Variants in PCDHGA7 observed in about 807,000 individuals in gnomAD.
PCDHGA7 encodes protocadherin gamma-A7.
In PCDHGA7, 44 loss-of-function variants were observed where a neutral mutation model predicts 58.3. The observed-to-expected ratio is 0.75, with a 90% CI of 0.59 to 0.97. The LOEUF (loss-of-function observed/expected upper bound fraction) is 0.97. Among genes scored for constraint, PCDHGA7 ranks in the 50% least tolerant of loss-of-function variants. The pLI is 0.00. For synonymous variants in PCDHGA7, 516 were observed against 504.2 expected (o/e 1.02, Z -0.31); for missense variants, 1,266 against 1,188.7 (o/e 1.06, Z -0.96).
At chr5:141,399,062 C>T in intron 1 of PCDHGA7, 1 of 1,613,790 alleles carries the variant, frequency 6.2e-7, no homozygotes, top group Non-Finnish European at 8.5e-7. Context: ...AAGGAATATT[C>T]AATGGTTGTA....
intron 1 of PCDHGA7, chr5:141,417,759 C>T: frequency 7.0e-7 from 1 of 1,437,100 alleles, no homozygotes; most frequent in South Asian, 1.5e-5. Flanking sequence ...AGCTCCGAGA[C>T]CCGGGACTCC....
intron 1 of PCDHGA7, among the ~76,000 whole-genome samples, chr5:141,460,117 T>G (rs1454761302): frequency 6.6e-6 from 1 of 151,982 alleles, no homozygotes; most frequent in Non-Finnish European, 1.5e-5. Context: ...ATGATTTTTA[T>G]ATATGTAATA....
chr5:141,404,171 G>A (rs532466154), intron 1 of PCDHGA7: 1 of 1,612,734 alleles, frequency 6.2e-7, no homozygotes, highest in South Asian at 1.1e-5. Flanking sequence ...ATTGTTGACG[G>A]CCCAAATTCT....
rs2096663485 is a variant in PCDHGA7, at chr5:141,422,674, A to G, written c.2424+37351A>G. 3 of 1,606,698 alleles carry G rather than the reference A, an allele frequency of 1.9e-6. No individual in the cohort carries two copies. The East Asian group carries it at 6.7e-5, about 36-fold the overall frequency. On this transcript the variant is annotated intron_variant, in intron 1 of 3. Transcript: ENST00000518325. ...AGTGACCGCCCTCGACCCGGACAGC[A>G]AACAGAATGCCCTGGTCACTTACTC...
At chr5:141,427,082 C>T (rs1335319344) in intron 1 of PCDHGA7, 1 of 458,118 alleles carries the variant, frequency 2.2e-6, no homozygotes, top group Admixed American at 2.3e-5. Flanking sequence ...CAGCCACTGA[C>T]CAGGATGAGG....
chr5:141,466,090 C>A (rs983505253), intron 1 of PCDHGA7, among the ~76,000 whole-genome samples: 2 of 152,068 alleles, frequency 1.3e-5, no homozygotes, highest in African/African-American at 4.8e-5. Context: ...CCACTGCACT[C>A]CAGCCTGGGC....
intron 1 of PCDHGA7, among the ~76,000 whole-genome samples, chr5:141,467,951 A>G (rs2099155044): frequency 6.6e-6 from 1 of 151,944 alleles, no homozygotes; most frequent in East Asian, 1.9e-4. Context: ...GAGCCACCAC[A>G]CCCGGCTGCC....
rs980122657 is a variant in PCDHGA7, at chr5:141,511,379, C to G, written c.*206C>G. The G allele has an allele frequency of 2.9e-5, 34 of 1,169,842 alleles. No individual in the cohort carries two copies. The highest frequency in any genetic ancestry group is 3.9e-5 in the Non-Finnish European group (33 of 853,834). The allele number at this position is 1,169,842 out of a possible 1,614,324, so 72.5% of individuals were successfully genotyped here. ...GGGGGTTGAATATGCAAAAGCAGTT[C>G]CGCTGGGAACCCCCATCCAATCAAC... On this transcript the variant is annotated 3_prime_UTR_variant, in exon 4 of 4. Transcript: ENST00000518325.
intron 1 of PCDHGA7, chr5:141,398,768 C>T (rs1177677138): frequency 6.2e-6 from 10 of 1,613,946 alleles, no homozygotes; most frequent in South Asian, 1.1e-5. Context: ...GTCCTGACTG[C>T]CTTGGACGGT....
chr5:141,443,436 T>A (rs1435598893), intron 1 of PCDHGA7, among the ~76,000 whole-genome samples: 1 of 152,132 alleles, frequency 6.6e-6, no homozygotes, highest in Admixed American at 6.6e-5. Context: ...CAGTGAGCTG[T>A]GGTTGCGCTC....
chr5:141,449,484 A>G (rs1003440539), intron 1 of PCDHGA7, among the ~76,000 whole-genome samples: 2 of 150,848 alleles, frequency 1.3e-5, no homozygotes, highest in Non-Finnish European at 3.0e-5. Context: ...CCCCATGCCT[A>G]AGGGTGAGGC....
Position 141,467,771 on chromosome 5 carries a change from A to G in PCDHGA7, c.2425-27036A>G, listed in dbSNP as rs542500016. Among the ~76,000 whole-genome samples, 11 of 151,422 alleles carry G rather than the reference A, an allele frequency of 7.3e-5. No individual in the cohort carries two copies. The South Asian group carries it at 2.3e-3, about 32-fold the overall frequency. On this transcript the variant is annotated intron_variant, in intron 1 of 3. Transcript: ENST00000518325. Reference sequence around the variant, plus strand: ...CCGCCTCACATGCTCAAGTGCCCGCACCTCAGCCTCTCAAGTAGCTGGGAC... The same window carrying G: ...CCGCCTCACATGCTCAAGTGCCCGCGCCTCAGCCTCTCAAGTAGCTGGGAC...
intron 3 of PCDHGA7, among the ~76,000 whole-genome samples, chr5:141,508,943 CAG>C (rs1562237475): frequency 1.3e-5 from 2 of 151,982 alleles, no homozygotes; most frequent in Admixed American, 6.6e-5. Context: ...TTAGGGAAAA[CAG>C]AGAAATGTCA....
At chr5:141,423,497 A>G in intron 1 of PCDHGA7, 4 of 1,613,940 alleles carry the variant, frequency 2.5e-6, no homozygotes, top group Non-Finnish European at 3.4e-6. Flanking sequence ...TATTCCCACG[A>G]GGTCTCTCTC....
rs956295940 is a variant in PCDHGA7 at position 141,477,700 on chromosome 5, G to T, written c.2425-17107G>T. The T allele has an allele frequency of 1.2e-6, 2 of 1,613,954 alleles. No individual in the cohort carries two copies. Among genetic ancestry groups the T allele is most frequent in the African/African-American group, 2.7e-5 (2 of 74,928 alleles). On this transcript the variant is annotated intron_variant, in intron 1 of 3. Coordinates refer to ENST00000518325, the MANE Select transcript of PCDHGA7 (RefSeq NM_018920.4). This position sits in a 1 kb window ranked among gnomAD's most constrained non-coding sequence, Gnocchi z 4.9. ...CATCCTTAGTGCCCCTAGACTATGAGGATCGGCGGGAATTTGAATTAACAG... is the reference window on the plus strand; with the variant it reads ...CATCCTTAGTGCCCCTAGACTATGATGATCGGCGGGAATTTGAATTAACAG...
chr5:141,432,336 G>A lies in PCDHGA7; in HGVS notation c.2424+47013G>A. On this transcript the variant is annotated intron_variant, in intron 1 of 3. Coordinates refer to ENST00000518325, the MANE Select transcript of PCDHGA7 (RefSeq NM_018920.4). The surrounding 1 kb of genome is among the most constrained non-coding windows in gnomAD (Gnocchi z 6.0). ...AGCTCCTTCGACTACGAGCAGTTCC[G>A]AGACTTGCAAGTGAAAGTGATGGCG... 1.2e-6 allele frequency: 2 copies of A among 1,614,250 alleles called. No homozygotes were observed. The highest frequency in any genetic ancestry group is 1.7e-6 in the Non-Finnish European group (2 of 1,180,040).
At chr5:141,419,203 C>A in intron 1 of PCDHGA7, 1 of 1,613,988 alleles carries the variant, frequency 6.2e-7, no homozygotes, top group South Asian at 1.1e-5. Context: ...TCAATGACAA[C>A]GCGCCGGTTT....
chr5:141,404,880 T>C, intron 1 of PCDHGA7: 2 of 1,613,896 alleles, frequency 1.2e-6, no homozygotes, highest in Non-Finnish European at 8.5e-7. Flanking sequence ...CAGAGCCTTG[T>C]GGTGGCTGTA....
At position 141,403,413 on chromosome 5, in the gene PCDHGA7, T is replaced by G. The variant is rs1467852757; in HGVS notation, c.2424+18090T>G. The G allele has an allele frequency of 1.2e-6, 2 of 1,613,928 alleles. No individual in the cohort carries two copies. Among genetic ancestry groups the G allele is most frequent in the African/African-American group, 2.7e-5 (2 of 74,948 alleles). ...GCGGTTCCTGGAGCACGTTATCCACTTCCAGAAGCTATTGATCCGGATGTT... is the reference window on the plus strand; with the variant it reads ...GCGGTTCCTGGAGCACGTTATCCACGTCCAGAAGCTATTGATCCGGATGTT... On this transcript the variant is annotated intron_variant, in intron 1 of 3. Transcript: ENST00000518325.
Sources: gnomAD v4.1 joint callset for allele counts (sites outside exome capture counted in the v4.1 genomes callset) on GRCh38, gnomAD v4.1.1 for gene constraint, Gnocchi (gnomAD v3.1) non-coding constraint, MANE v1.5 for transcripts, NCBI Gene and HGNC (gene_info 2026-07-23, HGNC 2026-07-21) for gene names.